Variants in CDH12 observed in about 807,000 individuals in gnomAD.
The protein encoded by CDH12 is cadherin 12.
In CDH12, 41 loss-of-function variants were observed where a neutral mutation model predicts 74.1. The observed-to-expected ratio is 0.55, with a 90% CI of 0.43 to 0.72. CDH12 has a LOEUF of 0.72. Among genes scored for constraint, CDH12 ranks in the 30% least tolerant of loss-of-function variants. The pLI is 0.00. For missense variants in CDH12, 945 were observed against 977.2 expected (o/e 0.97, Z 0.44); for synonymous variants, 399 against 355.0 (o/e 1.12, Z -1.39).
At chr5:22,666,901 T>A (rs745899158) in intron 1 of CDH12, among the ~76,000 whole-genome samples, 1 of 152,194 alleles carries the variant, frequency 6.6e-6, no homozygotes, top group African/African-American at 2.4e-5. Context: ...ATAGAATGCA[T>A]AATATAACCT....
chr5:22,168,367 C>A (rs2150325670), intron 4 of CDH12, among the ~76,000 whole-genome samples: 1 of 152,192 alleles, frequency 6.6e-6, no homozygotes, highest in South Asian at 2.1e-4. Flanking sequence ...AGAGTTAGAG[C>A]TCAATTCTCT....
chr5:22,486,937 T>A (rs1265477915), intron 2 of CDH12, among the ~76,000 whole-genome samples: 1 of 152,212 alleles, frequency 6.6e-6, no homozygotes, highest in Non-Finnish European at 1.5e-5. Context: ...TGCAAAGATC[T>A]TCTGGCCTAA....
intron 3 of CDH12, among the ~76,000 whole-genome samples, chr5:22,297,853 A>G (rs1281938749): frequency 6.6e-6 from 1 of 152,130 alleles, no homozygotes. Context: ...GTTGATGTAT[A>G]CATTTTCAGA....
chr5:22,609,008 C>A lies in CDH12; in HGVS notation c.-522-103644G>T, dbSNP rs550749286. Among the ~76,000 whole-genome samples, 647 of 152,212 alleles carry A rather than the reference C, an allele frequency of 4.3e-3. 7 individuals carry two copies. Among genetic ancestry groups the A allele is most frequent in the African/African-American group, 0.015 (621 of 41,530 alleles). ...ACCTGGAAGGGCATTGCTACATGAC[C>A]ACAATGGATAGCCAGGCCTTCCAAA... On this transcript the variant is annotated intron_variant, in intron 1 of 14. Transcript: ENST00000382254.
intron 9 of CDH12, among the ~76,000 whole-genome samples, chr5:21,814,285 A>C (rs1747923371): frequency 6.6e-6 from 1 of 151,996 alleles, no homozygotes; most frequent in Non-Finnish European, 1.5e-5. Flanking sequence ...AATCCAGTTA[A>C]GAAGAATAAA....
intron 2 of CDH12, among the ~76,000 whole-genome samples, chr5:22,465,104 T>C (rs1333357982): frequency 1.3e-5 from 2 of 152,060 alleles, no homozygotes; most frequent in Non-Finnish European, 2.9e-5. Context: ...AACATCTCTC[T>C]AGTTCTAATA....
intron 1 of CDH12, among the ~76,000 whole-genome samples, chr5:22,722,220 C>A (rs146264354): frequency 3.9e-5 from 6 of 152,252 alleles, no homozygotes; most frequent in Non-Finnish European, 1.5e-5. Context: ...AACCCTATAC[C>A]CCAAGCAGCA....
chr5:22,328,628 A>G (rs1739221730), intron 3 of CDH12, among the ~76,000 whole-genome samples: 1 of 152,244 alleles, frequency 6.6e-6, no homozygotes, highest in Non-Finnish European at 1.5e-5. Context: ...TTGGAGAGCC[A>G]TTTGTGCCAT....
At chr5:22,692,474 C>T (rs777575895) in intron 1 of CDH12, among the ~76,000 whole-genome samples, 4 of 151,852 alleles carry the variant, frequency 2.6e-5, no homozygotes, top group Non-Finnish European at 4.4e-5. Context: ...TGATTACCAC[C>T]ATGGTGAGCG....
At chr5:22,280,857 T>A (rs1736847482) in intron 3 of CDH12, among the ~76,000 whole-genome samples, 1 of 152,106 alleles carries the variant, frequency 6.6e-6, no homozygotes, top group African/African-American at 2.4e-5. Flanking sequence ...GAGCGAATCC[T>A]CCCTAACTCA....
intron 6 of CDH12, among the ~76,000 whole-genome samples, chr5:21,914,001 A>G (rs1753977537): frequency 6.6e-6 from 1 of 152,162 alleles, no homozygotes; most frequent in East Asian, 1.9e-4. Flanking sequence ...ATACTTTGAA[A>G]GTATAGATTC....
At chr5:21,847,930 T>C (rs1750265140) in intron 7 of CDH12, among the ~76,000 whole-genome samples, 1 of 152,144 alleles carries the variant, frequency 6.6e-6, no homozygotes, top group African/African-American at 2.4e-5. Context: ...GCAGGGACTT[T>C]TGTCTTTACT....
intron 4 of CDH12, among the ~76,000 whole-genome samples, chr5:22,092,758 G>A (rs888263272): frequency 1.3e-5 from 2 of 152,020 alleles, no homozygotes; most frequent in Non-Finnish European, 2.9e-5. Context: ...ATCTACCTAA[G>A]AGAAAATGGA....
At chr5:21,815,159 C>G (rs998330753) in intron 9 of CDH12, among the ~76,000 whole-genome samples, 5 of 151,934 alleles carry the variant, frequency 3.3e-5, no homozygotes, top group Admixed American at 1.3e-4. Context: ...ATATTGCTTC[C>G]TTGTTAAAAT....
chr5:22,741,001 T>C (rs1176900367), intron 1 of CDH12, among the ~76,000 whole-genome samples: 1 of 152,188 alleles, frequency 6.6e-6, no homozygotes, highest in Non-Finnish European at 1.5e-5. Flanking sequence ...TTCTCTATTC[T>C]AATTTGAAAA....
At chr5:22,336,462 G>A (rs1420896272) in intron 3 of CDH12, among the ~76,000 whole-genome samples, 1 of 152,088 alleles carries the variant, frequency 6.6e-6, no homozygotes, top group Non-Finnish European at 1.5e-5. Context: ...GGAGGCCTAG[G>A]AAGAAAAAAA....
At chr5:22,766,892 T>C (rs990753889) in intron 1 of CDH12, among the ~76,000 whole-genome samples, 2 of 152,090 alleles carry the variant, frequency 1.3e-5, no homozygotes, top group African/African-American at 2.4e-5. Context: ...CTTGAACATC[T>C]GCAGATTTTC....
At chr5:22,328,855 G>A (rs1739230812) in intron 3 of CDH12, among the ~76,000 whole-genome samples, 1 of 152,202 alleles carries the variant, frequency 6.6e-6, no homozygotes, top group Admixed American at 6.5e-5. Flanking sequence ...GTGTTGAGAT[G>A]TAGGACTTTT....
At chr5:22,359,304 A>C (rs917990791) in intron 3 of CDH12, among the ~76,000 whole-genome samples, 13 of 152,226 alleles carry the variant, frequency 8.5e-5, no homozygotes, top group Admixed American at 5.2e-4. Flanking sequence ...AACAGATTTT[A>C]AAACAACAAA....
Sources: gnomAD v4.1 joint callset for allele counts (sites outside exome capture counted in the v4.1 genomes callset) on GRCh38, gnomAD v4.1.1 for gene constraint, MANE v1.5 for transcripts, NCBI Gene and HGNC (gene_info 2026-07-23, HGNC 2026-07-21) for gene names.